Variants in RBFOX1 observed in about 807,000 individuals in gnomAD.
The protein encoded by RBFOX1 is RNA binding protein fox-1 homolog 1.
In RBFOX1, 8 loss-of-function variants were observed where a neutral mutation model predicts 57.7. The observed-to-expected ratio is 0.14, with a 90% CI of 0.08 to 0.25. The LOEUF (loss-of-function observed/expected upper bound fraction) is 0.25. RBFOX1 is among the 10% of genes least tolerant of loss of function. The probability of loss-of-function intolerance (pLI) is 1.00; values close to 1 mark genes in which losing one functional copy is unlikely to be tolerated. For synonymous variants in RBFOX1, 326 were observed against 222.4 expected (o/e 1.47, Z -4.15); for missense variants, 611 against 548.5 (o/e 1.11, Z -1.14).
intron 4 of RBFOX1, among the ~76,000 whole-genome samples, chr16:7,261,227 C>G (rs1380430809): frequency 6.6e-6 from 1 of 152,174 alleles, no homozygotes; most frequent in African/African-American, 2.4e-5. Flanking sequence ...TGAGCCTTAG[C>G]TTTCAACTTT....
chr16:5,242,055 A>G lies in RBFOX1; in HGVS notation c.219+1950A>G, dbSNP rs961753180. On this transcript the variant is annotated intron_variant, in intron 1 of 2. Transcript: ENST00000585867. ...GCTAGAGCCTGGAAGGTCCAGCTGC[A>G]GTGAGCTGTCATCATGCCACTGCAC... Among the ~76,000 whole-genome samples the G allele has an allele frequency of 1.3e-5, 2 of 152,104 alleles. 1 individual carries two copies. The highest frequency in any genetic ancestry group is 3.8e-4 in the East Asian group (2 of 5,196).
chr16:5,436,877 C>T (rs909043796), intron 1 of RBFOX1, among the ~76,000 whole-genome samples: 2 of 152,018 alleles, frequency 1.3e-5, no homozygotes, highest in South Asian at 2.1e-4. Flanking sequence ...TAAATTTTTG[C>T]CTTGAATATT....
intron 1 of RBFOX1, among the ~76,000 whole-genome samples, chr16:6,274,368 C>G (rs148388944): frequency 1.3e-5 from 2 of 152,222 alleles, no homozygotes; most frequent in South Asian, 4.1e-4. Context: ...AACCCAGTAA[C>G]AAAAAGGAGT....
At chr16:7,672,327 T>A (rs2071736782) in intron 13 of RBFOX1, among the ~76,000 whole-genome samples, 1 of 152,182 alleles carries the variant, frequency 6.6e-6, no homozygotes, top group South Asian at 2.1e-4. Context: ...CTGAGGATGA[T>A]CAGTGAGAGT....
At position 7,690,716 on chromosome 16, in the gene RBFOX1, C is replaced by G. The variant is rs376546483; in HGVS notation, c.995+13878C>G. On this transcript the variant is annotated intron_variant, in intron 14 of 15. Coordinates refer to ENST00000550418, the MANE Select transcript of RBFOX1 (RefSeq NM_018723.4). Reference sequence around the variant, plus strand: ...TTGGATATAGCGGAGACATTCGTCTCTTTGATCATATGTGTCTCTGGTCAT... The same window carrying G: ...TTGGATATAGCGGAGACATTCGTCTGTTTGATCATATGTGTCTCTGGTCAT... 2.2e-3 allele frequency among the ~76,000 whole-genome samples: 332 copies of G among 152,138 alleles called. 1 individual carries two copies. The highest frequency in any genetic ancestry group is 5.7e-3 in the African/African-American group (235 of 41,520).
At chr16:6,571,466 A>G (rs1469440549) in intron 2 of RBFOX1, among the ~76,000 whole-genome samples, 1 of 152,156 alleles carries the variant, frequency 6.6e-6, no homozygotes, top group Non-Finnish European at 1.5e-5. Context: ...TGTATGCTTC[A>G]TATAGATTTT....
intron 3 of RBFOX1, among the ~76,000 whole-genome samples, chr16:5,831,549 G>C (rs1446021300): frequency 1.3e-5 from 2 of 151,006 alleles, no homozygotes; most frequent in Non-Finnish European, 3.0e-5. Context: ...GAGTGCAGTG[G>C]CACAATCTCA....
chr16:5,612,668 G>A (rs2047867810), intron 3 of RBFOX1, among the ~76,000 whole-genome samples: 1 of 152,224 alleles, frequency 6.6e-6, no homozygotes, highest in Admixed American at 6.5e-5. Context: ...ATTCTAGACA[G>A]AGGAAATAGC....
At chr16:5,760,715 G>A (rs1171068163) in intron 3 of RBFOX1, among the ~76,000 whole-genome samples, 1 of 151,888 alleles carries the variant, frequency 6.6e-6, no homozygotes, top group Non-Finnish European at 1.5e-5. Flanking sequence ...GTAATTGTGG[G>A]GTTTTGCCAT....
In RBFOX1 at chr16:6,839,982, A is replaced by T. The variant is rs551442449; in HGVS notation, c.-16+185332A>T. 7.2e-5 allele frequency among the ~76,000 whole-genome samples: 11 copies of T among 152,322 alleles called. No individual in the cohort carries two copies. The East Asian group carries it at 2.1e-3, about 29-fold the overall frequency. On this transcript the variant is annotated intron_variant, in intron 3 of 15. Transcript: ENST00000550418. ...CCTGTTTTCTTTTTAAAATAACGAA[A>T]TATTTGGTATAAACAAAATAATATC...
chr16:6,988,558 AC>A (rs2090789623), intron 3 of RBFOX1, among the ~76,000 whole-genome samples: 4 of 140,602 alleles, frequency 2.8e-5, no homozygotes, highest in African/African-American at 1.0e-4. Flanking sequence ...TTTTAATTTA[AC>A]TTTATTTAAT....
intron 6 of RBFOX1, among the ~76,000 whole-genome samples, chr16:7,580,664 C>T (rs1305120915): frequency 1.3e-5 from 2 of 152,154 alleles, no homozygotes; most frequent in Non-Finnish European, 2.9e-5. Context: ...TATAGGTCAT[C>T]TTGCCCCTGA....
chr16:5,659,822 G>C (rs543336283), intron 3 of RBFOX1, among the ~76,000 whole-genome samples: 4 of 152,240 alleles, frequency 2.6e-5, no homozygotes, highest in Non-Finnish European at 4.4e-5. Context: ...CAAATCATTG[G>C]TATTTTCACA....
chr16:7,476,386 A>G (rs2062709087), intron 4 of RBFOX1, among the ~76,000 whole-genome samples: 1 of 152,254 alleles, frequency 6.6e-6, no homozygotes, highest in Non-Finnish European at 1.5e-5. Context: ...GTGAAGATTT[A>G]ATGAGATGAT....
chr16:6,754,852 C>G (rs189437825), intron 3 of RBFOX1, among the ~76,000 whole-genome samples: 1 of 152,158 alleles, frequency 6.6e-6, no homozygotes, highest in Non-Finnish European at 1.5e-5. Context: ...TATCCCTCCC[C>G]TCTCCCCCCA....
At chr16:5,241,584 C>T (rs1305151459) in intron 1 of RBFOX1, among the ~76,000 whole-genome samples, 2 of 152,208 alleles carry the variant, frequency 1.3e-5, no homozygotes, top group Non-Finnish European at 2.9e-5. Flanking sequence ...ATGGCACACG[C>T]CAGTTACCCT....
intron 2 of RBFOX1, among the ~76,000 whole-genome samples, chr16:6,351,118 A>G (rs2086277422): frequency 6.6e-6 from 1 of 152,124 alleles, no homozygotes; most frequent in Admixed American, 6.6e-5. Flanking sequence ...CATAAAAGAC[A>G]TAATGGAGTC....
At chr16:7,362,392 T>G (rs2097344328) in intron 4 of RBFOX1, among the ~76,000 whole-genome samples, 1 of 151,938 alleles carries the variant, frequency 6.6e-6, no homozygotes, top group Non-Finnish European at 1.5e-5. Flanking sequence ...TTAATGTGTG[T>G]GTGATTGTGT....
intron 1 of RBFOX1, among the ~76,000 whole-genome samples, chr16:6,243,111 T>A (rs954975837): frequency 6.6e-6 from 1 of 151,812 alleles, no homozygotes; most frequent in Non-Finnish European, 1.5e-5. Flanking sequence ...TATTAGTAGC[T>A]GCAGTTGGAT....
Sources: allele counts gnomAD v4.1 joint callset (sites outside exome capture counted in the v4.1 genomes callset), GRCh38; gene constraint gnomAD v4.1.1; transcripts MANE v1.5; gene names NCBI Gene and HGNC (gene_info 2026-07-23, HGNC 2026-07-21).